ANO5: variants seen among roughly 807,000 people sequenced by gnomAD.
ANO5 encodes the protein anoctamin-5.
Under a neutral mutation model 121.0 loss-of-function variants are expected in ANO5, and 109 were observed. The observed-to-expected ratio is 0.90, with a 90% CI of 0.77 to 1.06. The LOEUF (loss-of-function observed/expected upper bound fraction) is 1.06, where lower values mean the gene tolerates loss of function less well. ANO5 is among the 50% of genes least tolerant of loss of function. ANO5 has a pLI of 0.00. For synonymous variants in ANO5, 406 were observed against 359.9 expected, an observed-to-expected ratio of 1.13 and a Z score of -1.45; for missense variants, 1,064 against 1,078.5, an observed-to-expected ratio of 0.99 and a Z score of 0.19.
chr11:22,192,936 C>G (rs981500908), upstream of ANO5: 9 of 971,180 alleles, frequency 9.3e-6, no homozygotes, highest in Admixed American at 6.2e-5. Flanking sequence ...GAGGAGGGGG[C>G]CAGCGTGGAG....
chr11:22,208,374 C>T (rs1034276267), intron 2 of ANO5, among the ~76,000 whole-genome samples: 12 of 151,904 alleles, frequency 7.9e-5, no homozygotes, highest in African/African-American at 2.9e-4. Context: ...TATTAATAAA[C>T]ACAACTTGGA....
At chr11:22,276,437 GT>G (rs1270448702) in intron 21 of ANO5, among the ~76,000 whole-genome samples, 2 of 151,604 alleles carry the variant, frequency 1.3e-5, no homozygotes, top group East Asian at 3.9e-4. Context: ...AACAAATATG[GT>G]TTTTTTCCCT....
At chr11:22,240,239 G>C (rs1054794728) in intron 9 of ANO5, among the ~76,000 whole-genome samples, 1 of 151,952 alleles carries the variant, frequency 6.6e-6, no homozygotes. Flanking sequence ...CCTTTAGATA[G>C]TTTCATTAGC....
intron 2 of ANO5, among the ~76,000 whole-genome samples, chr11:22,209,403 G>A (rs997058912): frequency 4.6e-5 from 7 of 151,880 alleles, no homozygotes; most frequent in Non-Finnish European, 1.0e-4. Context: ...ATGGTTTGGA[G>A]AGGTTAACTT....
chr11:22,242,781 T>G (rs1853476555), intron 9 of ANO5, among the ~76,000 whole-genome samples: 1 of 152,088 alleles, frequency 6.6e-6, no homozygotes, highest in Non-Finnish European at 1.5e-5. Flanking sequence ...CTGTCATTTA[T>G]GAAATCTAGG....
chr11:22,193,166 A>G lies in ANO5; in HGVS notation c.-327A>G. 3 of 1,182,814 alleles carry G rather than the reference A, an allele frequency of 2.5e-6. No individual in the cohort carries two copies. The highest frequency in any genetic ancestry group is 3.2e-6 in the Non-Finnish European group (3 of 944,910). 73.3% of individuals were successfully genotyped at this position (1,182,814 alleles called of 1,614,324 possible). A position where few individuals can be genotyped will look rare whatever the true frequency, so the allele number is the denominator to read the frequency against. On this transcript the variant is annotated 5_prime_UTR_variant, in exon 1 of 22. Transcript: ENST00000324559. Reference sequence around the variant, plus strand: ...CAGGCACAGGGACAGGTGCCTGGAGAAGTACTGGGAGAGCGCCCAGGAGCG... The same window carrying G: ...CAGGCACAGGGACAGGTGCCTGGAGGAGTACTGGGAGAGCGCCCAGGAGCG...
At position 22,281,037 on chromosome 11, in the gene ANO5, A is replaced by G. The variant is rs1460379474; in HGVS notation, c.*1272A>G. 1 of 152,016 alleles carries G rather than the reference A, an allele frequency of 6.6e-6. No homozygotes were observed. 9.4% of individuals were successfully genotyped at this position (152,016 alleles called of 1,614,324 possible). On this transcript the variant is annotated 3_prime_UTR_variant, in exon 22 of 22. Coordinates refer to ENST00000324559, the MANE Select transcript of ANO5 (RefSeq NM_213599.3). ...AATTTAGGCTTGTGTTACATGCACAAAAATCCTTGTTCTGTTTTCACTTAA... is the reference window on the plus strand; with the variant it reads ...AATTTAGGCTTGTGTTACATGCACAGAAATCCTTGTTCTGTTTTCACTTAA...
intron 9 of ANO5, among the ~76,000 whole-genome samples, chr11:22,240,171 A>ATGTT (rs1455033255): frequency 6.6e-6 from 1 of 151,780 alleles, no homozygotes; most frequent in African/African-American, 2.4e-5. Flanking sequence ...TTGTGTATGG[A>ATGTT]TGTTTGTGTG....
At chr11:22,258,616 G>A (rs760124003) in intron 14 of ANO5, among the ~76,000 whole-genome samples, 11 of 152,070 alleles carry the variant, frequency 7.2e-5, no homozygotes, top group African/African-American at 2.4e-4. Context: ...AAACTACCAC[G>A]CATATTAGCG....
chr11:22,281,804 T>C lies in ANO5; in HGVS notation c.*2039T>C, dbSNP rs1269529169. On this transcript the variant is annotated 3_prime_UTR_variant, in exon 22 of 22. Transcript: ENST00000324559. ...GCAGTTTTAAAATATACCAACTAAA[T>C]TATTGGGTTTCTGGAAGTGAATGGA... The C allele has an allele frequency of 1.3e-5, 2 of 152,072 alleles. No homozygotes were observed. The highest frequency in any genetic ancestry group is 2.9e-5 in the Non-Finnish European group (2 of 67,964). The allele number at this position is 152,072 out of a possible 1,614,324, so 9.4% of individuals were successfully genotyped here.
chr11:22,279,139 T>C (rs768066851), intron 21 of ANO5, among the ~76,000 whole-genome samples: 5 of 151,880 alleles, frequency 3.3e-5, no homozygotes, highest in Admixed American at 2.0e-4. Flanking sequence ...TTGCCTTCTT[T>C]CCTGAACTTT....
intron 12 of ANO5, among the ~76,000 whole-genome samples, chr11:22,254,481 C>CT (rs1308064573): frequency 4.6e-5 from 7 of 152,106 alleles, no homozygotes; most frequent in African/African-American, 1.7e-4. Flanking sequence ...ACTCAAATGT[C>CT]TGTCAGCCCA....
intron 8 of ANO5, among the ~76,000 whole-genome samples, chr11:22,237,649 G>T (rs959487019): frequency 3.3e-5 from 5 of 152,088 alleles, no homozygotes; most frequent in African/African-American, 1.2e-4. Flanking sequence ...TCAGTAGTAT[G>T]AGAATTTACT....
chr11:22,261,558 G>C (rs1254304583), intron 15 of ANO5: 1 of 154,756 alleles, frequency 6.5e-6, no homozygotes, highest in Admixed American at 6.4e-5. Flanking sequence ...CCAGCTACTC[G>C]AGAGGATGAC....
chr11:22,214,159 C>A (rs756988633), intron 3 of ANO5, among the ~76,000 whole-genome samples: 6 of 151,998 alleles, frequency 3.9e-5, no homozygotes, highest in Non-Finnish European at 8.8e-5. Flanking sequence ...CCCTTCTCAG[C>A]TTCCTGAGTG....
At chr11:22,279,381 A>ATCTT (rs1198015564) in intron 21 of ANO5, among the ~76,000 whole-genome samples, 163 bp from the exon 22 acceptor site, 2 of 151,866 alleles carry the variant, frequency 1.3e-5, no homozygotes, top group Non-Finnish European at 2.9e-5. Context: ...TTTGATGTTG[A>ATCTT]TCTTTGTATG....
At chr11:22,237,591 A>T (rs563385987) in intron 8 of ANO5, among the ~76,000 whole-genome samples, 1 of 152,120 alleles carries the variant, frequency 6.6e-6, no homozygotes, top group African/African-American at 2.4e-5. Flanking sequence ...GGGTTTTGCT[A>T]TGTTGGCCAG....
chr11:22,275,309 G>GACACAC (rs56171321), intron 20 of ANO5, among the ~76,000 whole-genome samples: 23,356 of 148,494 alleles, frequency 0.16, 2,308 homozygotes, highest in East Asian at 0.43. Context: ...ACAATTTAAA[G>GACACAC]ACACACACAC....
chr11:22,197,115 A>T (rs1429633544), intron 1 of ANO5, among the ~76,000 whole-genome samples: 1 of 152,198 alleles, frequency 6.6e-6, no homozygotes, highest in African/African-American at 2.4e-5. Context: ...TATAAAATTG[A>T]TTGTAAGAGA....
Sources: gnomAD v4.1 joint callset for allele counts (sites outside exome capture counted in the v4.1 genomes callset) on GRCh38, gnomAD v4.1.1 for gene constraint, MANE v1.5 for transcripts, NCBI Gene and HGNC (gene_info 2026-07-23, HGNC 2026-07-21) for gene names.